SMC3: variants seen among roughly 807,000 people sequenced by gnomAD.
The protein encoded by SMC3 is structural maintenance of chromosomes 3, also known as structural maintenance of chromosomes protein 3.
Under a neutral mutation model 171.8 loss-of-function variants are expected in SMC3, and 20 were observed. The ratio of observed to expected loss-of-function variants is 0.12; its 90% CI spans 0.08 to 0.17. The LOEUF (loss-of-function observed/expected upper bound fraction) is 0.17, where lower values mean the gene tolerates loss of function less well. Among genes scored for constraint, SMC3 ranks in the 10% least tolerant of loss-of-function variants. SMC3 has a pLI of 1.00. For synonymous variants in SMC3, 464 were observed against 451.1 expected, an observed-to-expected ratio of 1.03 and a Z score of -0.36; for missense variants, 543 against 1,420.4, an observed-to-expected ratio of 0.38 and a Z score of 9.93.
chr10:110,580,885 A>T lies in SMC3; in HGVS notation c.430-19A>T. ...CGGAGGCTACAGCTATGTAATGATT[A>T]TTTTTCTAAAAATTTTAGATCAACC... On this transcript the variant is annotated intron_variant, in intron 7 of 28. Coordinates refer to ENST00000361804, the MANE Select transcript of SMC3 (RefSeq NM_005445.4). The T allele has an allele frequency of 7.4e-7, 1 of 1,345,664 alleles. No individual in the cohort carries two copies. Among genetic ancestry groups the T allele is most frequent in the South Asian group, 1.2e-5 (1 of 85,774 alleles). The allele number at this position is 1,345,664 out of a possible 1,614,324, so 83.4% of individuals were successfully genotyped here. A position where few individuals can be genotyped will look rare whatever the true frequency, so the allele number is the denominator to read the frequency against.
chr10:110,572,578 T>C (rs894354151), intron 2 of SMC3, among the ~76,000 whole-genome samples: 2 of 152,198 alleles, frequency 1.3e-5, no homozygotes, highest in East Asian at 1.9e-4. Flanking sequence ...ATTGATGATA[T>C]TACTTTTGAT....
chr10:110,589,809 T>A, intron 14 of SMC3, 83 bp from the exon 15 acceptor site: 1 of 1,490,262 alleles, frequency 6.7e-7, no homozygotes, highest in Non-Finnish European at 9.4e-7. Context: ...GCTTGTTTTC[T>A]GTATTTTGAT....
intron 18 of SMC3, among the ~76,000 whole-genome samples, chr10:110,593,565 C>T (rs1861242664): frequency 6.9e-6 from 1 of 145,492 alleles, no homozygotes; most frequent in Admixed American, 6.7e-5. Context: ...GAGCGAGACT[C>T]TGTCTCAAAA....
chr10:110,601,143 G>A lies in SMC3; in HGVS notation c.2644+13G>A, dbSNP rs1861380142. 6.3e-7 allele frequency: 1 copy of A among 1,594,464 alleles called. No individual in the cohort carries two copies. Among genetic ancestry groups the A allele is most frequent in the Non-Finnish European group, 8.6e-7 (1 of 1,162,382 alleles). Reference sequence around the variant, plus strand: ...GCACGATCAGAAGGTGAATTTTTATGTAGTAAAATTTTGTTTATATGCATG... The same window carrying A: ...GCACGATCAGAAGGTGAATTTTTATATAGTAAAATTTTGTTTATATGCATG... On this transcript the variant is annotated intron_variant, in intron 23 of 28. Coordinates refer to ENST00000361804, the MANE Select transcript of SMC3 (RefSeq NM_005445.4).
chr10:110,585,886 T>C (rs558710725), intron 13 of SMC3, among the ~76,000 whole-genome samples: 50 of 151,806 alleles, frequency 3.3e-4, no homozygotes, highest in African/African-American at 1.2e-3. Context: ...CACCCTCCGC[T>C]TCCCGGGTTC....
intron 13 of SMC3, among the ~76,000 whole-genome samples, chr10:110,587,669 G>C (rs1000704141): frequency 2.7e-5 from 4 of 147,468 alleles, no homozygotes; most frequent in Non-Finnish European, 5.9e-5. Flanking sequence ...CTGGACGACA[G>C]AGCGAGACTC....
At chr10:110,599,025 T>C (rs944873596) in intron 20 of SMC3, among the ~76,000 whole-genome samples, 6 of 147,952 alleles carry the variant, frequency 4.1e-5, no homozygotes, top group African/African-American at 1.5e-4. Flanking sequence ...AGTATAATAC[T>C]AAAACTACAA....
chr10:110,604,187 C>T (rs941710862), intron 28 of SMC3, 44 bp from the exon 29 acceptor site: 9 of 1,174,738 alleles, frequency 7.7e-6, no homozygotes, highest in Admixed American at 1.7e-5. Flanking sequence ...AATGTAAACA[C>T]TGATGTAATT....
At chr10:110,579,326 A>G (rs1328245439) in intron 7 of SMC3, among the ~76,000 whole-genome samples, 3 of 152,192 alleles carry the variant, frequency 2.0e-5, no homozygotes, top group Non-Finnish European at 4.4e-5. Context: ...TAGGAAGAAT[A>G]TGGAGTTTCA....
intron 2 of SMC3, among the ~76,000 whole-genome samples, chr10:110,572,579 T>TA (rs1326262040): frequency 6.6e-6 from 1 of 152,204 alleles, no homozygotes; most frequent in Non-Finnish European, 1.5e-5. Flanking sequence ...TTGATGATAT[T>TA]ACTTTTGATC....
chr10:110,591,222 C>T, intron 17 of SMC3, 90 bp downstream of exon 17: 1 of 1,219,198 alleles, frequency 8.2e-7, no homozygotes, highest in Non-Finnish European at 1.2e-6. Flanking sequence ...AGGCACTATA[C>T]ACTGGGATTC....
intron 2 of SMC3, among the ~76,000 whole-genome samples, chr10:110,573,061 A>C (rs1011655906): frequency 6.6e-6 from 1 of 152,076 alleles, no homozygotes; most frequent in Non-Finnish European, 1.5e-5. Flanking sequence ...AAAGGTGGTA[A>C]CTTTGTGGTT....
chr10:110,593,772 G>C (rs1468204351), intron 18 of SMC3, among the ~76,000 whole-genome samples: 2 of 151,944 alleles, frequency 1.3e-5, no homozygotes, highest in African/African-American at 4.8e-5. Context: ...TGGATAACTT[G>C]AGGAGGGAAT....
intron 13 of SMC3, among the ~76,000 whole-genome samples, chr10:110,588,720 C>G (rs1231620982): frequency 6.6e-6 from 1 of 152,160 alleles, no homozygotes; most frequent in African/African-American, 2.4e-5. Context: ...TGGATTTTTT[C>G]AGCTCAGTAT....
At chr10:110,582,682 C>T in intron 10 of SMC3, 40 bp downstream of exon 10, 2 of 1,467,702 alleles carry the variant, frequency 1.4e-6, no homozygotes, top group Non-Finnish European at 1.9e-6. Flanking sequence ...TTACTTTTTA[C>T]TTTTGAGACA....
intron 2 of SMC3, among the ~76,000 whole-genome samples, chr10:110,571,172 GC>G (rs1224913623): frequency 1.3e-5 from 2 of 152,022 alleles, no homozygotes; most frequent in Non-Finnish European, 2.9e-5. Flanking sequence ...GTTTTTTACT[GC>G]ACACCATGAT....
At chr10:110,583,318 A>T in intron 10 of SMC3, 66 bp from the exon 11 acceptor site, 1 of 1,252,480 alleles carries the variant, frequency 8.0e-7, no homozygotes, top group Non-Finnish European at 1.2e-6. Context: ...AAAGAGAATT[A>T]ATGGTGTCAC....
intron 20 of SMC3, 64 bp downstream of exon 20, chr10:110,598,354 C>T: frequency 6.8e-7 from 1 of 1,464,700 alleles, no homozygotes; most frequent in Non-Finnish European, 9.6e-7. Context: ...AAATATGAAT[C>T]ATACATTATA....
intron 7 of SMC3, 136 bp from the exon 8 acceptor site, chr10:110,580,768 G>C: frequency 4.3e-6 from 3 of 692,166 alleles, no homozygotes; most frequent in Non-Finnish European, 7.8e-6. Flanking sequence ...TCTAAAATCT[G>C]TAACACTTCT....
Sources: allele counts gnomAD v4.1 joint callset (sites outside exome capture counted in the v4.1 genomes callset), GRCh38; gene constraint gnomAD v4.1.1; transcripts MANE v1.5; gene names NCBI Gene and HGNC (gene_info 2026-07-23, HGNC 2026-07-21).